Variants in HPSE2 observed in about 807,000 individuals in gnomAD.
The protein encoded by HPSE2 is heparanase 2 (inactive).
A neutral mutation model predicts 60.5 loss-of-function variants in HPSE2; 38 were observed. The observed-to-expected ratio is 0.63, with a 90% CI of 0.48 to 0.82. The LOEUF (loss-of-function observed/expected upper bound fraction) is 0.82. HPSE2 is among the 40% of genes least tolerant of loss of function. The pLI is 0.00. For synonymous variants in HPSE2, 295 were observed against 293.2 expected, an observed-to-expected ratio of 1.01 and a Z score of -0.06; for missense variants, 713 against 740.4, an observed-to-expected ratio of 0.96 and a Z score of 0.43.
At chr10:98,625,243 C>A (rs10509725) in intron 7 of HPSE2, among the ~76,000 whole-genome samples, 4,472 of 152,236 alleles carry the variant, frequency 0.029, 136 homozygotes, top group East Asian at 0.11. Flanking sequence ...ATGCTGACTG[C>A]AAAAACGACC....
the HPSE2 span, among the ~76,000 whole-genome samples, chr10:99,263,731 CA>C: frequency 1.0e-3 from 144 of 144,048 alleles, no homozygotes; most frequent in Admixed American, 9.0e-4. Flanking sequence ...GTTCTTAGAC[CA>C]AAAAAAAAAA....
At chr10:98,796,374 C>G (rs370508349) in intron 3 of HPSE2, among the ~76,000 whole-genome samples, 1 of 152,192 alleles carries the variant, frequency 6.6e-6, no homozygotes, top group East Asian at 1.9e-4. Flanking sequence ...TGAACATCAG[C>G]AGTGGCCTGG....
chr10:98,729,769 T>C (rs79065600), intron 4 of HPSE2, among the ~76,000 whole-genome samples: 11,876 of 152,010 alleles, frequency 0.078, 638 homozygotes, highest in South Asian at 0.19. Flanking sequence ...AAAAGGCATT[T>C]TATAATGAGA....
chr10:98,468,485 C>T lies in HPSE2; in HGVS notation c.1614-8746G>A, dbSNP rs1394777346. ...GAATCTCTCAAAAGCCTGTTCTTCC[C>T]TCCAGGCCCTGTCAGAGGTAGCCTC... On this transcript the variant is annotated intron_variant, in intron 11 of 11. Coordinates refer to ENST00000370552, the MANE Select transcript of HPSE2 (RefSeq NM_021828.5). 3.3e-5 allele frequency among the ~76,000 whole-genome samples: 5 copies of T among 152,182 alleles called. No individual in the cohort carries two copies. The East Asian group carries it at 9.7e-4, about 30-fold the overall frequency.
At chr10:98,710,177 T>C (rs1200705127) in intron 5 of HPSE2, among the ~76,000 whole-genome samples, 3 of 152,164 alleles carry the variant, frequency 2.0e-5, no homozygotes, top group Non-Finnish European at 4.4e-5. Context: ...TCATGGTTAA[T>C]TATATGTCGA....
chr10:98,514,455 AAAG>A (rs1161642699), intron 9 of HPSE2, among the ~76,000 whole-genome samples: 1 of 152,234 alleles, frequency 6.6e-6, no homozygotes, highest in African/African-American at 2.4e-5. Flanking sequence ...CACAATAAAA[AAAG>A]AAAAAAGGAA....
At chr10:99,200,159 C>T (rs936196503) in intron 2 of HPSE2, among the ~76,000 whole-genome samples, 3 of 151,768 alleles carry the variant, frequency 2.0e-5, no homozygotes, top group Admixed American at 2.0e-4. Flanking sequence ...TTTATTAGTT[C>T]AAAATGGTAA....
chr10:99,163,763 G>A (rs1846943969), intron 2 of HPSE2, among the ~76,000 whole-genome samples: 3 of 151,464 alleles, frequency 2.0e-5, no homozygotes, highest in Admixed American at 2.0e-4. Context: ...GTCTTTCCTT[G>A]TCTCCATTAT....
At chr10:98,875,289 TAAA>T (rs920235761) in intron 3 of HPSE2, among the ~76,000 whole-genome samples, 2 of 151,448 alleles carry the variant, frequency 1.3e-5, no homozygotes, top group African/African-American at 4.9e-5. Context: ...ACTAGACTAA[TAAA>T]GAAGAAAAGA....
intron 3 of HPSE2, among the ~76,000 whole-genome samples, chr10:98,873,753 T>C (rs749753670): frequency 5.3e-5 from 8 of 152,100 alleles, no homozygotes; most frequent in Non-Finnish European, 1.0e-4. Flanking sequence ...CTGGGTCAAA[T>C]GGTATTTCTC....
chr10:99,148,342 G>A (rs530726544), intron 2 of HPSE2, among the ~76,000 whole-genome samples: 10 of 152,118 alleles, frequency 6.6e-5, no homozygotes, highest in African/African-American at 2.4e-4. Flanking sequence ...CATACAATAA[G>A]AGCACAATAA....
At position 98,821,229 on chromosome 10, in the gene HPSE2, T is replaced by C. The variant is rs376973814; in HGVS notation, c.611-77173A>G. On this transcript the variant is annotated intron_variant, in intron 3 of 11. Transcript: ENST00000370552. ...ACGGGAATACATTCTGAGAAGTGCA[T>C]TGTTGGGTAATTTCATCATTGTATG... 4.6e-5 allele frequency among the ~76,000 whole-genome samples: 7 copies of C among 152,252 alleles called. No individual in the cohort carries two copies. In the South Asian group the frequency reaches 8.3e-4, roughly 18 times the overall value.
the HPSE2 span, among the ~76,000 whole-genome samples, chr10:99,267,358 G>A: frequency 1.3e-5 from 2 of 151,914 alleles, no homozygotes; most frequent in African/African-American, 4.8e-5. Flanking sequence ...CTCAGCAATA[G>A]AATCAAACAA....
At chr10:99,170,897 T>A (rs530969878) in intron 2 of HPSE2, among the ~76,000 whole-genome samples, 1 of 152,376 alleles carries the variant, frequency 6.6e-6, no homozygotes, top group East Asian at 1.9e-4. Context: ...TTTCTTGTCA[T>A]TATTCTCTAA....
At chr10:98,565,870 T>C (rs1425309241) in intron 9 of HPSE2, among the ~76,000 whole-genome samples, 3 of 151,990 alleles carry the variant, frequency 2.0e-5, no homozygotes, top group Non-Finnish European at 4.4e-5. Context: ...TCATCATTAT[T>C]GTTGTTTTGC....
At chr10:98,843,474 G>C (rs1252892070) in intron 3 of HPSE2, among the ~76,000 whole-genome samples, 1 of 152,124 alleles carries the variant, frequency 6.6e-6, no homozygotes, top group Non-Finnish European at 1.5e-5. Context: ...TAATTCAAAA[G>C]ACATTTGTAT....
In HPSE2 at chr10:98,459,118, T is replaced by C. The variant is rs146000087; in HGVS notation, c.*456A>G. ...CAAGAAAGAGGCAGAGAAGAAGGAG[T>C]TGGGAGAGGATGGGTTTTTGTAGGT... On this transcript the variant is annotated 3_prime_UTR_variant, in exon 12 of 12. Transcript: ENST00000370552. The C allele has an allele frequency of 4.0e-3, 884 of 223,358 alleles. 6 individuals carry two copies. Among genetic ancestry groups the C allele is most frequent in the African/African-American group, 0.019 (817 of 43,934 alleles). The allele number at this position is 223,358 out of a possible 1,614,324, so 13.8% of individuals were successfully genotyped here.
At chr10:99,250,495 C>A in the HPSE2 span, among the ~76,000 whole-genome samples, 1 of 152,158 alleles carries the variant, frequency 6.6e-6, no homozygotes, top group Non-Finnish European at 1.5e-5. Flanking sequence ...TGACACTTGA[C>A]CAATTATACC....
chr10:99,194,687 C>A (rs947929432), intron 2 of HPSE2, among the ~76,000 whole-genome samples: 4 of 151,648 alleles, frequency 2.6e-5, no homozygotes, highest in Admixed American at 2.6e-4. Flanking sequence ...CAAGATTGAA[C>A]CATGAAAAAA....
Sources: gnomAD v4.1 joint callset for allele counts (sites outside exome capture counted in the v4.1 genomes callset) on GRCh38, gnomAD v4.1.1 for gene constraint, MANE v1.5 for transcripts, NCBI Gene and HGNC (gene_info 2026-07-23, HGNC 2026-07-21) for gene names.